JAKMIP3: variants seen among roughly 807,000 people sequenced by gnomAD.
JAKMIP3 encodes the protein janus kinase and microtubule-interacting protein 3.
A neutral mutation model predicts 118.5 loss-of-function variants in JAKMIP3; 58 were observed. The observed-to-expected ratio is 0.49, with a 90% CI of 0.40 to 0.61. The LOEUF is 0.61. JAKMIP3 is among the 20% of genes least tolerant of loss of function. The pLI is 0.00. For missense variants in JAKMIP3, 950 were observed against 1,109.0 expected, an observed-to-expected ratio of 0.86 and a Z score of 2.04; for synonymous variants, 486 against 451.2, an observed-to-expected ratio of 1.08 and a Z score of -0.98.
chr10:132,103,724 C>G (rs555520160), intron 1 of JAKMIP3, among the ~76,000 whole-genome samples: 1 of 152,008 alleles, frequency 6.6e-6, no homozygotes, highest in East Asian at 1.9e-4. Context: ...GGTGCCTGTC[C>G]GTGGCCTGTT....
intron 3 of JAKMIP3, among the ~76,000 whole-genome samples, chr10:132,119,185 C>T (rs554534533): frequency 4.9e-5 from 7 of 142,552 alleles, no homozygotes; most frequent in Non-Finnish European, 4.6e-5. Context: ...CTCTCCCCTC[C>T]GTACAGGCTT....
rs1171009773 is a variant in JAKMIP3, at chr10:132,043,968, T to TGCGTTTGATCCCAGCATGGTCCC, written c.-138+7231_-138+7253dup. Among the ~76,000 whole-genome samples, 84 of 152,370 alleles carry TGCGTTTGATCCCAGCATGGTCCC rather than the reference T, an allele frequency of 5.5e-4. 1 individual carries two copies. Among genetic ancestry groups the TGCGTTTGATCCCAGCATGGTCCC allele is most frequent in the African/African-American group, 1.9e-3 (81 of 41,598 alleles). The stretch of plus-strand genomic sequence containing the variant: ...ATCTTTCCTCTTATCCTGCTGGGCC[T>TGCGTTTGATCCCAGCATGGTCCC]GCGTTTGATCCCAGCATGGTCCCAA... On this transcript the variant is annotated intron_variant, in intron 1 of 23. Coordinates refer to the JAKMIP3 transcript ENST00000657785.
At chr10:132,146,085 C>T (rs112419983) in intron 13 of JAKMIP3, among the ~76,000 whole-genome samples, 9,128 of 152,004 alleles carry the variant, frequency 0.06, 919 homozygotes, top group African/African-American at 0.2. Context: ...CAGGTCCAGG[C>T]TCTCTTGGTC....
intron 1 of JAKMIP3, among the ~76,000 whole-genome samples, chr10:132,054,648 T>A (rs1445794616): frequency 1.3e-5 from 2 of 151,970 alleles, no homozygotes; most frequent in Non-Finnish European, 2.9e-5. Context: ...GTGCCATAGA[T>A]TAAGGGAGGA....
In JAKMIP3 at chr10:132,154,159, G is replaced by C. The variant is rs577145844; in HGVS notation, c.2220+169G>C. ...AGGCTCTGGCTCTCCAGAGCTGCCT[G>C]ATGGGGTCTTCACTTGGAGCTTCAT... On this transcript the variant is annotated intron_variant, in intron 19 of 23. Transcript: ENST00000684848. Among the ~76,000 whole-genome samples the C allele has an allele frequency of 2.6e-4, 39 of 152,372 alleles. No homozygotes were observed. In the South Asian group the frequency reaches 7.5e-3, roughly 29 times the overall value.
intron 19 of JAKMIP3, among the ~76,000 whole-genome samples, chr10:132,158,675 T>A (rs1242568377): frequency 6.7e-6 from 1 of 148,184 alleles, no homozygotes; most frequent in Non-Finnish European, 1.5e-5. Context: ...TCCTGTGTGA[T>A]GCTGTGGGAG....
chr10:132,136,251 T>C (rs2051747400), intron 6 of JAKMIP3, among the ~76,000 whole-genome samples, 175 bp downstream of exon 6: 1 of 152,292 alleles, frequency 6.6e-6, no homozygotes, highest in South Asian at 2.1e-4. Context: ...AGCCCAGCCC[T>C]GGGGAGGGGG....
At chr10:132,159,770 GGGGGGTCTCTTCCTGTGTGATGCT>G in intron 19 of JAKMIP3, among the ~76,000 whole-genome samples, 1 of 33,908 alleles carries the variant, frequency 2.9e-5, no homozygotes, top group Non-Finnish European at 5.4e-5. Context: ...GTGTGATACT[GGGGGGTCTCTTCCTGTGTGATGCT>G]GGGGGGCCTC....
chr10:132,170,705 C>T (rs1455702975), intron 23 of JAKMIP3, among the ~76,000 whole-genome samples: 2 of 152,184 alleles, frequency 1.3e-5, no homozygotes, highest in African/African-American at 4.8e-5. Context: ...GGAGGGGCAG[C>T]CGGCCGCCAA....
chr10:132,057,892 C>T (rs2133836109), intron 1 of JAKMIP3, among the ~76,000 whole-genome samples: 1 of 152,322 alleles, frequency 6.6e-6, no homozygotes, highest in Admixed American at 6.5e-5. Context: ...CACATAATGG[C>T]ACTGTGACCA....
chr10:132,171,516 C>CT (rs1022369096), intron 23 of JAKMIP3, among the ~76,000 whole-genome samples: 1 of 152,218 alleles, frequency 6.6e-6, no homozygotes, highest in Non-Finnish European at 1.5e-5. Context: ...GAGCATCTCC[C>CT]TTCTCTCCAA....
At chr10:132,131,774 C>T (rs567879472) in intron 3 of JAKMIP3, among the ~76,000 whole-genome samples, 1 of 152,156 alleles carries the variant, frequency 6.6e-6, no homozygotes, top group African/African-American at 2.4e-5. Context: ...CAGTCCGGAA[C>T]CCGCTGGGAG....
At chr10:132,176,077 T>C (rs2060112968) in intron 23 of JAKMIP3, among the ~76,000 whole-genome samples, 1 of 152,158 alleles carries the variant, frequency 6.6e-6, no homozygotes, top group Non-Finnish European at 1.5e-5. Flanking sequence ...CAGATCCCGA[T>C]CAGGGGGCGG....
Position 132,112,785 on chromosome 10 carries a change from C to G in JAKMIP3, c.136-4292C>G, listed in dbSNP as rs538747018. ...GCAGCTCTCCACCTCCCCTTGGACA[C>G]CGGCTCACATGGTGGACGCATCTGA... is the stretch of plus-strand genomic sequence containing the variant. On this transcript the variant is annotated intron_variant, in intron 2 of 23. Transcript: ENST00000684848. This position sits in a 1 kb window ranked among gnomAD's most constrained non-coding sequence, Gnocchi z 4.3. 1.3e-5 allele frequency among the ~76,000 whole-genome samples: 2 copies of G among 152,250 alleles called. No homozygotes were observed. The highest frequency in any genetic ancestry group is 2.9e-5 in the Non-Finnish European group (2 of 67,998).
At position 132,040,412 on chromosome 10, in the gene JAKMIP3, A is replaced by G. The variant is rs867880192; in HGVS notation, c.-138+3674A>G. 2.0e-5 allele frequency among the ~76,000 whole-genome samples: 3 copies of G among 152,106 alleles called. No homozygotes were observed. In the South Asian group the frequency reaches 6.2e-4, roughly 32 times the overall value. ...AGGGCCCTCCCCTCGCTCCGTATCTATACATCTGCTGGCTGCCTGCTGACC... is the reference window on the plus strand; with the variant it reads ...AGGGCCCTCCCCTCGCTCCGTATCTGTACATCTGCTGGCTGCCTGCTGACC... On this transcript the variant is annotated intron_variant, in intron 1 of 23. Transcript: ENST00000657785.
intron 13 of JAKMIP3, 77 bp from the exon 14 acceptor site, chr10:132,147,875 C>A: frequency 9.4e-7 from 1 of 1,059,260 alleles, no homozygotes; most frequent in Non-Finnish European, 1.4e-6. Flanking sequence ...GCTGTCCCGT[C>A]AGCCTGGAGT....
intron 1 of JAKMIP3, among the ~76,000 whole-genome samples, chr10:132,080,372 A>G (rs1387705679): frequency 3.9e-5 from 6 of 152,014 alleles, no homozygotes; most frequent in Admixed American, 3.9e-4. Context: ...CACTTTCCTG[A>G]CAATTTGTGA....
At chr10:132,065,510 A>G (rs1405014798), upstream of JAKMIP3, among the ~76,000 whole-genome samples, 1 of 152,016 alleles carries the variant, frequency 6.6e-6, no homozygotes, top group Admixed American at 6.5e-5. The surrounding 1 kb of genome is among the most constrained non-coding windows in gnomAD (Gnocchi z 5.6). Context: ...GCCGGCCAGA[A>G]CGCGGTCCTG....
rs920708756 is a variant in JAKMIP3 at position 132,076,799 on chromosome 10, G to C, written c.-138+10738G>C. ...CGGGTCTGACTGAGGGCTGGCCTGC[G>C]GTGGCCCCAGGTATGATGGCATGAG... On this transcript the variant is annotated intron_variant, in intron 1 of 23. Coordinates refer to ENST00000684848, the MANE Select transcript of JAKMIP3 (RefSeq NM_001323087.2). Among the ~76,000 whole-genome samples the C allele has an allele frequency of 2.6e-5, 4 of 151,014 alleles. No homozygotes were observed. The East Asian group carries it at 7.8e-4, about 29-fold the overall frequency.
Sources: allele counts gnomAD v4.1 joint callset (sites outside exome capture counted in the v4.1 genomes callset), GRCh38; gene constraint gnomAD v4.1.1; non-coding constraint Gnocchi (gnomAD v3.1); transcripts MANE v1.5; gene names NCBI Gene and HGNC (gene_info 2026-07-23, HGNC 2026-07-21).